Variants in ELOVL5 observed in about 807,000 individuals in gnomAD.
The protein encoded by ELOVL5 is very long chain fatty acid elongase 5.
Under a neutral mutation model 38.6 loss-of-function variants are expected in ELOVL5, and 8 were observed. That is an observed-to-expected ratio of 0.21 (90% CI 0.12 to 0.37). ELOVL5 has a LOEUF of 0.37. Ranked by LOEUF, ELOVL5 falls within the 10% of genes least tolerant of loss-of-function variation. The pLI, the probability that ELOVL5 is intolerant of heterozygous loss-of-function variation, is 1.00. For missense variants in ELOVL5, 280 were observed against 367.8 expected, an observed-to-expected ratio of 0.76 and a Z score of 1.95; for synonymous variants, 127 against 133.7, an observed-to-expected ratio of 0.95 and a Z score of 0.34.
chr6:53,274,664 G>T (rs1397013842), intron 5 of ELOVL5, among the ~76,000 whole-genome samples: 2 of 152,218 alleles, frequency 1.3e-5, no homozygotes, highest in Non-Finnish European at 2.9e-5. Context: ...AGGGTTGTTA[G>T]AACATGTGGA....
chr6:53,320,068 C>T (rs1253461068), intron 1 of ELOVL5, among the ~76,000 whole-genome samples: 1 of 152,094 alleles, frequency 6.6e-6, no homozygotes, highest in Non-Finnish European at 1.5e-5. Context: ...AATCCCACCA[C>T]TTTGGGAGGC....
At chr6:53,328,462 A>T (rs1197299956) in intron 1 of ELOVL5, among the ~76,000 whole-genome samples, 1 of 152,224 alleles carries the variant, frequency 6.6e-6, no homozygotes, top group Non-Finnish European at 1.5e-5. Context: ...TACAGTCCCC[A>T]AAGTAGAGCT....
At chr6:53,270,515 T>C in intron 7 of ELOVL5, 78 bp downstream of exon 7, 2 of 1,504,396 alleles carry the variant, frequency 1.3e-6, no homozygotes, top group South Asian at 1.2e-5. Flanking sequence ...GGGCTCCACA[T>C]GCCCATTAAG....
intron 1 of ELOVL5, among the ~76,000 whole-genome samples, chr6:53,312,518 G>C (rs1440104808): frequency 6.6e-6 from 1 of 152,202 alleles, no homozygotes; most frequent in East Asian, 1.9e-4. Context: ...TACAAAGGGT[G>C]TGAAGGCAGG....
In ELOVL5 at chr6:53,313,021, G is replaced by T. The variant is rs114282442; in HGVS notation, c.-8-17314C>A. Among the ~76,000 whole-genome samples, 657 of 152,258 alleles carry T rather than the reference G, an allele frequency of 4.3e-3. 7 individuals carry two copies. The highest frequency in any genetic ancestry group is 0.015 in the African/African-American group (634 of 41,528). ...CTTATTCAGACTACTCAGGTGATGGGGATACTGTTTTGATCAACCCAATGA... is the reference window on the plus strand; with the variant it reads ...CTTATTCAGACTACTCAGGTGATGGTGATACTGTTTTGATCAACCCAATGA... On this transcript the variant is annotated intron_variant, in intron 1 of 7. Coordinates refer to ENST00000304434, the MANE Select transcript of ELOVL5 (RefSeq NM_021814.5).
intron 1 of ELOVL5, among the ~76,000 whole-genome samples, chr6:53,311,546 CATTATTT>C (rs1454647585): frequency 6.6e-6 from 1 of 152,142 alleles, no homozygotes; most frequent in Non-Finnish European, 1.5e-5. Flanking sequence ...TTCATAGTAA[CATTATTT>C]ATAACAGTCA....
In ELOVL5 at chr6:53,277,746, AAGAAGC is replaced by A. The variant is rs1297952586; in HGVS notation, c.247-1496_247-1491del. 1.4e-4 allele frequency: 22 copies of A among 152,380 alleles called. No homozygotes were observed. In the East Asian group the frequency reaches 4.2e-3, roughly 29 times the overall value. 9.4% of individuals were successfully genotyped at this position (152,380 alleles called of 1,614,324 possible). Reference sequence around the variant, plus strand: ...TCCATGCAGGCTGATCAGAAGTCCTAAGAAGCAAGACACAAAGTCTGAATCCAAAGT... The same window carrying A: ...TCCATGCAGGCTGATCAGAAGTCCTAAAGACACAAAGTCTGAATCCAAAGT... On this transcript the variant is annotated intron_variant, in intron 3 of 7. Coordinates refer to ENST00000304434, the MANE Select transcript of ELOVL5 (RefSeq NM_021814.5).
chr6:53,336,330 T>C (rs969633157), intron 1 of ELOVL5, among the ~76,000 whole-genome samples: 3 of 152,144 alleles, frequency 2.0e-5, no homozygotes, highest in Non-Finnish European at 4.4e-5. Context: ...TACTTTAGCC[T>C]GGGCTCAATG....
chr6:53,313,056 CT>C (rs1198511409), intron 1 of ELOVL5, among the ~76,000 whole-genome samples: 1 of 152,178 alleles, frequency 6.6e-6, no homozygotes, highest in Non-Finnish European at 1.5e-5. Context: ...ATCTAATTAA[CT>C]TCGAGGAATC....
At chr6:53,286,701 A>AT (rs1491386817) in intron 3 of ELOVL5, among the ~76,000 whole-genome samples, 3 of 152,260 alleles carry the variant, frequency 2.0e-5, no homozygotes, top group Non-Finnish European at 4.4e-5. Context: ...TATAATTAAC[A>AT]TAATTATAAT....
chr6:53,275,511 T>A (rs1040504492), intron 4 of ELOVL5, among the ~76,000 whole-genome samples: 2 of 151,862 alleles, frequency 1.3e-5, no homozygotes, highest in Admixed American at 1.3e-4. Flanking sequence ...TTTGAAAGGG[T>A]CCCTGACACT....
intron 1 of ELOVL5, among the ~76,000 whole-genome samples, chr6:53,329,557 T>A (rs916219943): frequency 6.6e-6 from 1 of 152,196 alleles, no homozygotes; most frequent in South Asian, 2.1e-4. Flanking sequence ...GGTGCAGTGG[T>A]TCATGCCTGT....
chr6:53,347,998 G>A (rs921766378), intron 1 of ELOVL5, among the ~76,000 whole-genome samples: 3 of 147,074 alleles, frequency 2.0e-5, no homozygotes, highest in African/African-American at 7.4e-5. Flanking sequence ...ACACACTCTA[G>A]CTCCCCCGGC....
At chr6:53,296,911 C>T (rs1205009761) in intron 1 of ELOVL5, among the ~76,000 whole-genome samples, 2 of 152,214 alleles carry the variant, frequency 1.3e-5, no homozygotes, top group African/African-American at 4.8e-5. Context: ...CACACTGAAG[C>T]GTTATGTATT....
At chr6:53,340,573 A>G (rs1397864600) in intron 1 of ELOVL5, among the ~76,000 whole-genome samples, 1 of 152,102 alleles carries the variant, frequency 6.6e-6, no homozygotes, top group Non-Finnish European at 1.5e-5. Context: ...TTTATCTTTT[A>G]TATTTTTACT....
chr6:53,282,992 G>C (rs1766418209), intron 3 of ELOVL5, among the ~76,000 whole-genome samples: 1 of 152,158 alleles, frequency 6.6e-6, no homozygotes, highest in Admixed American at 6.5e-5. Context: ...ACAGAGGTTA[G>C]AAAGCACAAA....
intron 1 of ELOVL5, among the ~76,000 whole-genome samples, chr6:53,322,279 A>G (rs1018314760): frequency 2.0e-5 from 3 of 152,232 alleles, no homozygotes; most frequent in African/African-American, 7.2e-5. Context: ...AAATTTTTAA[A>G]GTATTTAAGA....
intron 2 of ELOVL5, chr6:53,294,255 G>A (rs1238313968): frequency 6.5e-7 from 1 of 1,541,220 alleles, no homozygotes; most frequent in East Asian, 2.4e-5. Flanking sequence ...TCAATCTGTG[G>A]TGGTCCTAAC....
intron 3 of ELOVL5, among the ~76,000 whole-genome samples, chr6:53,278,165 CTG>C (rs1415505903): frequency 2.6e-5 from 4 of 152,186 alleles, no homozygotes; most frequent in Non-Finnish European, 5.9e-5. Context: ...CCTACCATCA[CTG>C]TTTTTTCCAG....
Sources: allele counts gnomAD v4.1 joint callset (sites outside exome capture counted in the v4.1 genomes callset), GRCh38; gene constraint gnomAD v4.1.1; transcripts MANE v1.5; gene names NCBI Gene and HGNC (gene_info 2026-07-23, HGNC 2026-07-21).